Variants in POC1B observed in about 807,000 individuals in gnomAD.
POC1B encodes the protein POC1 centriolar protein B.
In POC1B, 44 loss-of-function variants were observed where a neutral mutation model predicts 60.6. That is an observed-to-expected ratio of 0.73 (90% CI 0.57 to 0.93). The LOEUF (loss-of-function observed/expected upper bound fraction) is 0.93. Among genes scored for constraint, POC1B ranks in the 40% least tolerant of loss-of-function variants. POC1B has a pLI of 0.00. For synonymous variants in POC1B, 180 were observed against 198.9 expected, an observed-to-expected ratio of 0.90 and a Z score of 0.80; for missense variants, 555 against 572.3, an observed-to-expected ratio of 0.97 and a Z score of 0.31.
chr12:89,456,457 T>G (rs888620853), intron 10 of POC1B, among the ~76,000 whole-genome samples: 1 of 152,186 alleles, frequency 6.6e-6, no homozygotes, highest in Non-Finnish European at 1.5e-5. Context: ...ATAATTTTGA[T>G]GATAGAATCC....
intron 2 of POC1B, chr12:89,524,671 A>T (rs1014501331): frequency 9.4e-7 from 1 of 1,066,136 alleles, no homozygotes; most frequent in African/African-American, 1.6e-5. Flanking sequence ...TGCAGGCGCT[A>T]GGCTCCTTTC....
chr12:89,484,495 T>C (rs1181192119), intron 4 of POC1B, among the ~76,000 whole-genome samples: 1 of 152,232 alleles, frequency 6.6e-6, no homozygotes, highest in Admixed American at 6.5e-5. Context: ...GTGGCTCCAG[T>C]ATAATCCCTA....
chr12:89,422,026 T>C (rs1880557007), intron 11 of POC1B, among the ~76,000 whole-genome samples: 1 of 148,324 alleles, frequency 6.7e-6, no homozygotes, highest in African/African-American at 2.5e-5. Context: ...TACTCTGCCT[T>C]CATTCTTTTG....
chr12:89,489,877 C>T (rs1868859257), intron 4 of POC1B, among the ~76,000 whole-genome samples: 1 of 152,184 alleles, frequency 6.6e-6, no homozygotes, highest in South Asian at 2.1e-4. Context: ...AGGCCCCTGA[C>T]CTAAACTGCA....
intron 2 of POC1B, chr12:89,524,141 TG>T: frequency 6.2e-7 from 1 of 1,613,854 alleles, no homozygotes; most frequent in South Asian, 1.1e-5. Context: ...ATAACAGAGG[TG>T]GTAGGAAGTG....
intron 2 of POC1B, among the ~76,000 whole-genome samples, chr12:89,518,312 A>G (rs528459029): frequency 3.3e-5 from 5 of 152,296 alleles, no homozygotes; most frequent in African/African-American, 1.2e-4. Flanking sequence ...AAGCAGACTG[A>G]TTCATTCATA....
intron 2 of POC1B, chr12:89,523,131 T>C (rs1023887895): frequency 7.4e-6 from 12 of 1,613,768 alleles, no homozygotes; most frequent in Non-Finnish European, 9.3e-6. Flanking sequence ...ATCCAAACAG[T>C]GAAAGGTTAG....
intron 4 of POC1B, among the ~76,000 whole-genome samples, chr12:89,489,598 A>G (rs1868841736): frequency 1.3e-5 from 2 of 152,318 alleles, no homozygotes; most frequent in South Asian, 2.1e-4. Flanking sequence ...AGAGACCATA[A>G]CGACAGTGAG....
At chr12:89,507,106 C>CA (rs1319479418) in intron 2 of POC1B, among the ~76,000 whole-genome samples, 3 of 151,042 alleles carry the variant, frequency 2.0e-5, no homozygotes, top group African/African-American at 4.9e-5. Context: ...CCCGTCTCTA[C>CA]AAAAAATAAC....
At chr12:89,440,494 A>G (rs1405622723) in intron 10 of POC1B, among the ~76,000 whole-genome samples, 1 of 152,248 alleles carries the variant, frequency 6.6e-6, no homozygotes, top group Non-Finnish European at 1.5e-5. Context: ...GGAAGAAAAG[A>G]GACAAATTTT....
intron 9 of POC1B, chr12:89,460,992 G>A (rs550574710): frequency 6.6e-6 from 1 of 152,274 alleles, no homozygotes; most frequent in South Asian, 2.1e-4. Context: ...ACCAATAAGT[G>A]TACTAACGAA....
At chr12:89,417,973 G>A (rs1880392542), downstream of POC1B, among the ~76,000 whole-genome samples, 1 of 152,222 alleles carries the variant, frequency 6.6e-6, no homozygotes, top group African/African-American at 2.4e-5. Flanking sequence ...TACGCTGTGT[G>A]CCTACTACAA....
At chr12:89,493,202 AC>A (rs941022993) in intron 3 of POC1B, among the ~76,000 whole-genome samples, 1 of 152,212 alleles carries the variant, frequency 6.6e-6, no homozygotes, top group Admixed American at 6.5e-5. Context: ...GCCAAGCCAG[AC>A]AGGCTTAATG....
intron 4 of POC1B, among the ~76,000 whole-genome samples, chr12:89,482,904 G>A (rs1472974251): frequency 1.3e-5 from 2 of 152,088 alleles, no homozygotes; most frequent in Admixed American, 1.3e-4. Context: ...GAATCATGGG[G>A]GTGGTTACCC....
chr12:89,466,086 G>A (rs1321708524), intron 9 of POC1B, among the ~76,000 whole-genome samples: 1 of 152,176 alleles, frequency 6.6e-6, no homozygotes, highest in Non-Finnish European at 1.5e-5. Context: ...AAATTCAGAT[G>A]AACAGGTAAT....
chr12:89,433,176 G>A (rs544312478), intron 10 of POC1B, among the ~76,000 whole-genome samples: 1 of 152,152 alleles, frequency 6.6e-6, no homozygotes, highest in South Asian at 2.1e-4. Flanking sequence ...ATTTTTTTTA[G>A]AAGACTTTTG....
At chr12:89,440,906 A>G (rs1881484437) in intron 10 of POC1B, among the ~76,000 whole-genome samples, 1 of 152,118 alleles carries the variant, frequency 6.6e-6, no homozygotes, top group African/African-American at 2.4e-5. Flanking sequence ...AAATCAGGAC[A>G]CTCCCACCCT....
At chr12:89,409,622 G>C in the POC1B span, among the ~76,000 whole-genome samples, 1 of 152,106 alleles carries the variant, frequency 6.6e-6, no homozygotes, top group South Asian at 2.1e-4. Context: ...ATAAAGGGGA[G>C]CTCACCACTG....
intron 2 of POC1B, chr12:89,500,876 TA>T: frequency 1.1e-5 from 12 of 1,070,102 alleles, no homozygotes; most frequent in Admixed American, 2.3e-5. Context: ...AATGACAAGC[TA>T]AAAAAAGTTT....
Sources: allele counts gnomAD v4.1 joint callset (sites outside exome capture counted in the v4.1 genomes callset), GRCh38; gene constraint gnomAD v4.1.1; transcripts MANE v1.5; gene names NCBI Gene and HGNC (gene_info 2026-07-23, HGNC 2026-07-21).